The following CXCL6 variants were observed in gnomAD, a reference collection of about 807,000 sequenced individuals.
CXCL6 encodes the protein C-X-C motif chemokine ligand 6.
Under a neutral mutation model 10.5 loss-of-function variants are expected in CXCL6, and 18 were observed. The ratio of observed to expected loss-of-function variants is 1.71; its 90% CI spans 1.18 to 2.54. CXCL6 has a LOEUF of 2.54. Among genes scored for constraint, CXCL6 ranks in the 30% most tolerant of loss-of-function variants. The probability of loss-of-function intolerance (pLI) is 0.00; values close to 1 mark genes in which losing one functional copy is unlikely to be tolerated. For synonymous variants in CXCL6, 82 were observed against 68.3 expected (o/e 1.20, Z -0.99); for missense variants, 171 against 145.7 (o/e 1.17, Z -0.90).
In CXCL6 at chr4:73,837,013, C is replaced by G. The variant is rs745635961; in HGVS notation, c.159C>G (p.Arg53=). The change falls in exon 2 of 4, where the codon CGC becomes CGG. Residue 53 remains arginine, a synonymous_variant. Coordinates refer to ENST00000226317, the MANE Select transcript of CXCL6 (RefSeq NM_002993.4). ...VLTELRCTCL[R]VTLRVNPKTI... ...CAGAGCTGCGTTGCACTTGTTTACG[C>G]GTTACGCTGAGAGTAAACCCCAAAA... 1 of 1,613,620 alleles carries G rather than the reference C, an allele frequency of 6.2e-7. No homozygotes were observed. The highest frequency in any genetic ancestry group is 1.1e-5 in the South Asian group (1 of 90,976).
chr4:73,837,408 G>A (rs564291905), intron 3 of CXCL6, 122 bp downstream of exon 3: 2 of 1,126,608 alleles, frequency 1.8e-6, no homozygotes, highest in Admixed American at 4.9e-5. Flanking sequence ...TTGTTAAGAA[G>A]AATAAGGAAA....
Position 73,837,144 on chromosome 4 carries a change from C to G in CXCL6, c.242+48C>G, listed in dbSNP as rs914034603. On this transcript the variant is annotated intron_variant, in intron 2 of 3. Coordinates refer to ENST00000226317, the MANE Select transcript of CXCL6 (RefSeq NM_002993.4). The stretch of plus-strand genomic sequence containing the variant: ...GTCCACTGTGACTTAGGCAAGTCCT[C>G]CAGCCTGGGTCGTCAACCTTTGTGG... The G allele has an allele frequency of 1.9e-6, 3 of 1,613,392 alleles. No homozygotes were observed. The African/African-American group carries it at 4.0e-5, about 22-fold the overall frequency.
intron 2 of CXCL6, 42 bp from the exon 3 acceptor site, chr4:73,837,161 C>T: frequency 6.2e-7 from 1 of 1,613,740 alleles, no homozygotes; most frequent in African/African-American, 1.3e-5. Flanking sequence ...GGGTCGTCAA[C>T]CTTTGTGGCT....
Position 73,836,760 on chromosome 4 carries a change from C to A in CXCL6, c.10C>A (p.Pro4Thr), listed in dbSNP as rs1400655497. The change falls in exon 1 of 4, where the codon CCG becomes ACG. Residue 4 changes from proline to threonine, a missense_variant. Physicochemically the swap from Pro to Thr is conservative, Grantham distance 38 (BLOSUM62 -1). Transcript: ENST00000226317. MSL[P>T]SSRAARVPGP... Reference sequence around the variant, plus strand: ...CCCTCTCTTGACCACTATGAGCCTCCCGTCCAGCCGCGCGGCCCGTGTCCC... The same window carrying A: ...CCCTCTCTTGACCACTATGAGCCTCACGTCCAGCCGCGCGGCCCGTGTCCC... The A allele has an allele frequency of 6.2e-7, 1 of 1,610,064 alleles. No individual in the cohort carries two copies. The highest frequency in any genetic ancestry group is 1.3e-5 in the African/African-American group (1 of 74,936).
chr4:73,837,590 T>C (rs780212905), intron 3 of CXCL6, 33 bp from the exon 4 acceptor site: 22 of 1,560,520 alleles, frequency 1.4e-5, no homozygotes, highest in Non-Finnish European at 1.8e-5. Context: ...AGTGTGGGAA[T>C]TGGTTATACT....
Position 73,837,659 on chromosome 4 carries a change from G to A in CXCL6, c.*18G>A, listed in dbSNP as rs1355366186. The A allele has an allele frequency of 6.5e-7, 1 of 1,549,268 alleles. No homozygotes were observed. The highest frequency in any genetic ancestry group is 8.6e-7 in the Non-Finnish European group (1 of 1,160,044). ...AAAACTGAGTAACAAAAAAGACCATGCATCATAAAATTGCCCAGTCTTCAG... is the reference window on the plus strand; with the variant it reads ...AAAACTGAGTAACAAAAAAGACCATACATCATAAAATTGCCCAGTCTTCAG... On this transcript the variant is annotated 3_prime_UTR_variant, in exon 4 of 4. Transcript: ENST00000226317.
Position 73,837,634 on chromosome 4 carries a change from A to C in CXCL6, c.338A>C (p.Lys113Thr). 2.6e-6 allele frequency: 4 copies of C among 1,553,742 alleles called. No homozygotes were observed. Among genetic ancestry groups the C allele is most frequent in the Non-Finnish European group, 3.4e-6 (4 of 1,162,376 alleles). ...IQKILDSGNKKN is the reference protein window; with the variant it reads ...IQKILDSGNKTN ...TCTTTTCTCAACAGTGGAAACAAGA[A>C]AAACTGAGTAACAAAAAAGACCATG... Residue 113 changes from lysine (K) to threonine (T), a missense_variant, in exon 4 of 4, where the codon AAA (lysine) becomes ACA (threonine). Lys to Thr is a moderately conservative substitution (Grantham distance 78). Transcript: ENST00000226317.
Position 73,838,116 on chromosome 4 carries a change from C to T in CXCL6, c.*475C>T, listed in dbSNP as rs1731145563. The T allele has an allele frequency of 1.3e-5, 2 of 152,528 alleles. No individual in the cohort carries two copies. The highest frequency in any genetic ancestry group is 2.9e-5 in the Non-Finnish European group (2 of 68,388). 9.4% of individuals were successfully genotyped at this position (152,528 alleles called of 1,614,324 possible). On this transcript the variant is annotated 3_prime_UTR_variant, in exon 4 of 4. Transcript: ENST00000226317. ...AATAGGAAATATTTTAGTTCTGTTT[C>T]TTGGGGAATATGTTACTCTTTACCC...
chr4:73,837,593 G>C, intron 3 of CXCL6, 30 bp from the exon 4 acceptor site: 1 of 1,565,432 alleles, frequency 6.4e-7, no homozygotes, highest in Non-Finnish European at 8.6e-7. Flanking sequence ...GTGGGAATTG[G>C]TTATACTAAT....
At chr4:73,837,532 T>C (rs1731130952) in intron 3 of CXCL6, 91 bp from the exon 4 acceptor site, 5 of 1,190,014 alleles carry the variant, frequency 4.2e-6, no homozygotes, top group Non-Finnish European at 5.9e-6. Flanking sequence ...CTTTTATTGA[T>C]TTTTTTCCCC....
chr4:73,837,016 T>C lies in CXCL6; in HGVS notation c.162T>C (p.Val54=), dbSNP rs560740521. 3 of 1,613,834 alleles carry C rather than the reference T, an allele frequency of 1.9e-6. No homozygotes were observed. The African/African-American group carries it at 4.0e-5, about 22-fold the overall frequency. ...LTELRCTCLR[V]TLRVNPKTIG... ...AGCTGCGTTGCACTTGTTTACGCGT[T>C]ACGCTGAGAGTAAACCCCAAAACGA... The change falls in exon 2 of 4, where the codon GTT becomes GTC. Residue 54 remains valine, a synonymous_variant. Coordinates refer to ENST00000226317, the MANE Select transcript of CXCL6 (RefSeq NM_002993.4).
chr4:73,838,638 G>A lies in CXCL6; in HGVS notation c.*997G>A, dbSNP rs922330411. The stretch of plus-strand genomic sequence containing the variant: ...TTAAAGGTTTTGACCATTTTGTTAT[G>A]AGGAATTATACATGTATCACATTCA... On this transcript the variant is annotated 3_prime_UTR_variant, in exon 4 of 4. Transcript: ENST00000226317. 2 of 152,568 alleles carry A rather than the reference G, an allele frequency of 1.3e-5. No homozygotes were observed. The highest frequency in any genetic ancestry group is 4.8e-5 in the African/African-American group (2 of 41,426). The allele number at this position is 152,568 out of a possible 1,614,324, so 9.5% of individuals were successfully genotyped here.
Position 73,837,617 on chromosome 4 carries a change from C to A in CXCL6, c.327-6C>A. On this transcript the variant is annotated splice_region_variant and splice_polypyrimidine_tract_variant and intron_variant, in intron 3 of 3. Transcript: ENST00000226317. ...GGTTATACTAATATAACTCTTTTCT[C>A]AACAGTGGAAACAAGAAAAACTGAG... 6.4e-7 allele frequency: 1 copy of A among 1,559,010 alleles called. No homozygotes were observed. Among genetic ancestry groups the A allele is most frequent in the Non-Finnish European group, 8.6e-7 (1 of 1,164,250 alleles).
chr4:73,837,712 C>T lies in CXCL6; in HGVS notation c.*71C>T, dbSNP rs1731137101. 1 of 1,324,662 alleles carries T rather than the reference C, an allele frequency of 7.5e-7. No individual in the cohort carries two copies. Among genetic ancestry groups the T allele is most frequent in the Admixed American group, 2.7e-5 (1 of 37,420 alleles). The allele number at this position is 1,324,662 out of a possible 1,614,324, so 82.1% of individuals were successfully genotyped here. ...GAGCAGTTTTCTGGAGATCCCTGGA[C>T]CCAGTAAGAATAAGAAGGAAGGGTT... On this transcript the variant is annotated 3_prime_UTR_variant, in exon 4 of 4. Transcript: ENST00000226317.
rs1731140865 is a variant in CXCL6 at position 73,837,926 on chromosome 4, G to C, written c.*285G>C. ...CCATATTGTGAGCAAAGAATCACTG[G>C]TTATTAGTCTTTCAATGAATATTGA... is the stretch of plus-strand genomic sequence containing the variant. On this transcript the variant is annotated 3_prime_UTR_variant, in exon 4 of 4. Transcript: ENST00000226317. The C allele has an allele frequency of 3.2e-6, 1 of 315,702 alleles. No individual in the cohort carries two copies. The highest frequency in any genetic ancestry group is 5.8e-6 in the Non-Finnish European group (1 of 173,114). The allele number at this position is 315,702 out of a possible 1,614,324, so 19.6% of individuals were successfully genotyped here. A position where few individuals can be genotyped will look rare whatever the true frequency, so the allele number is the denominator to read the frequency against.
rs1026256378 is a variant in CXCL6 at position 73,838,744 on chromosome 4, A to G, written c.*1103A>G. On this transcript the variant is annotated 3_prime_UTR_variant, in exon 4 of 4. Coordinates refer to ENST00000226317, the MANE Select transcript of CXCL6 (RefSeq NM_002993.4). ...TTGTATTGTCATTTGGAGAAACAAT[A>G]AAAGATTTCTAAACCACTGATGTTG... 2 of 152,644 alleles carry G rather than the reference A, an allele frequency of 1.3e-5. No individual in the cohort carries two copies. Among genetic ancestry groups the G allele is most frequent in the African/African-American group, 4.8e-5 (2 of 41,456 alleles). The allele number at this position is 152,644 out of a possible 1,614,324, so 9.5% of individuals were successfully genotyped here. A position where few individuals can be genotyped will look rare whatever the true frequency, so the allele number is the denominator to read the frequency against.
At position 73,837,827 on chromosome 4, in the gene CXCL6, T is replaced by C. The variant is rs1731139437; in HGVS notation, c.*186T>C. On this transcript the variant is annotated 3_prime_UTR_variant, in exon 4 of 4. Coordinates refer to ENST00000226317, the MANE Select transcript of CXCL6 (RefSeq NM_002993.4). ...TCCCTGAAGTTTACAGCTCAGCTAA[T>C]GAAGTACTAATATAGTATTTCCACT... 2.1e-6 allele frequency: 1 copy of C among 476,288 alleles called. No homozygotes were observed. 29.5% of individuals were successfully genotyped at this position (476,288 alleles called of 1,614,324 possible).
Position 73,837,816 on chromosome 4 carries a change from A to G in CXCL6, c.*175A>G. 1 of 488,402 alleles carries G rather than the reference A, an allele frequency of 2.0e-6. No homozygotes were observed. 30.3% of individuals were successfully genotyped at this position (488,402 alleles called of 1,614,324 possible). On this transcript the variant is annotated 3_prime_UTR_variant, in exon 4 of 4. Transcript: ENST00000226317. The stretch of plus-strand genomic sequence containing the variant: ...GCCTACGCTTCTCCCTGAAGTTTAC[A>G]GCTCAGCTAATGAAGTACTAATATA...
Position 73,836,781 on chromosome 4 carries a change from G to T in CXCL6, c.31G>T (p.Val11Phe), listed in dbSNP as rs748771639. Residue 11 changes from valine to phenylalanine, a missense_variant, in exon 1 of 4, where the codon GTC becomes TTC. Coordinates refer to ENST00000226317, the MANE Select transcript of CXCL6 (RefSeq NM_002993.4). The stretch of plus-strand genomic sequence containing the variant: ...CCTCCCGTCCAGCCGCGCGGCCCGT[G>T]TCCCGGGTCCTTCGGGCTCCTTGTG... MSLPSSRAAR[V>F]PGPSGSLCAL... 4 of 1,611,512 alleles carry T rather than the reference G, an allele frequency of 2.5e-6. No homozygotes were observed. The highest frequency in any genetic ancestry group is 2.5e-6 in the Non-Finnish European group (3 of 1,179,370).
Sources: gnomAD v4.1 joint callset for allele counts on GRCh38, gnomAD v4.1.1 for gene constraint, MANE v1.5 for transcripts, NCBI Gene and HGNC (gene_info 2026-07-23, HGNC 2026-07-21) for gene names.